Variants in IL1RL2 observed in about 807,000 individuals in gnomAD.
The protein encoded by IL1RL2 is interleukin-1 receptor-like 2.
IL1RL2 carries 68 observed loss-of-function variants against 66.8 expected under a neutral mutation model. The ratio of observed to expected loss-of-function variants is 1.02; its 90% CI spans 0.84 to 1.25. IL1RL2 has a LOEUF of 1.25. IL1RL2 is among the 50% of genes most tolerant of loss of function. The pLI is 0.00. For synonymous variants in IL1RL2, 305 were observed against 264.6 expected (o/e 1.15, Z -1.48); for missense variants, 729 against 709.3 (o/e 1.03, Z -0.32).
Position 102,209,746 on chromosome 2 carries a change from C to T in IL1RL2, c.650-2354C>T, listed in dbSNP as rs1410772626. ...ACATCAGTATTGAGATGATTTGAAG[C>T]CAGAGTTGAAGAGGGCCTGGCAGCT... On this transcript the variant is annotated intron_variant, in intron 5 of 11. Coordinates refer to ENST00000264257, the MANE Select transcript of IL1RL2 (RefSeq NM_003854.4). 3.3e-5 allele frequency among the ~76,000 whole-genome samples: 5 copies of T among 152,072 alleles called. No individual in the cohort carries two copies. The East Asian group carries it at 7.7e-4, about 23-fold the overall frequency.
intron 6 of IL1RL2, among the ~76,000 whole-genome samples, chr2:102,212,893 C>T (rs1364631229): frequency 6.6e-6 from 1 of 152,076 alleles, no homozygotes; most frequent in South Asian, 2.1e-4. Flanking sequence ...GGCGTGAACC[C>T]GGGAGGCAGA....
chr2:102,220,666 A>C (rs1039299666), intron 8 of IL1RL2, among the ~76,000 whole-genome samples: 5 of 146,016 alleles, frequency 3.4e-5, no homozygotes. Flanking sequence ...GATTCTATTA[A>C]TATCATTAGT....
chr2:102,191,817 GT>G (rs1687254507), intron 3 of IL1RL2, 107 bp from the exon 4 acceptor site: 1 of 742,082 alleles, frequency 1.3e-6, no homozygotes. Flanking sequence ...GAGGCAGAGG[GT>G]TTGCACAGTG....
downstream of IL1RL2, among the ~76,000 whole-genome samples, chr2:102,240,742 A>G (rs547728007): frequency 2.2e-4 from 34 of 152,356 alleles, 1 homozygote; most frequent in African/African-American, 7.7e-4. Context: ...GGCTTTATCA[A>G]GAACTTATGG....
chr2:102,225,041 C>T (rs1007014205), intron 8 of IL1RL2, among the ~76,000 whole-genome samples: 18 of 152,178 alleles, frequency 1.2e-4, no homozygotes, highest in Non-Finnish European at 1.9e-4. Flanking sequence ...CTTCCTGTCT[C>T]TCTCTTCCCC....
Position 102,192,061 on chromosome 2 carries a change from C to T in IL1RL2, c.430C>T (p.Leu144Phe), listed in dbSNP as rs1248934867. ...QILHLGKDDS[L>F]TCHLHFPKSC... Reference sequence around the variant, plus strand: ...ATTACATCTTGGAAAAGATGATAGTCTCACATGTCATCTGCACTTCCCGAA... The same window carrying T: ...ATTACATCTTGGAAAAGATGATAGTTTCACATGTCATCTGCACTTCCCGAA... Residue 144 changes from leucine to phenylalanine, a missense_variant, in exon 4 of 12, where the codon CTC (leucine) becomes TTC (phenylalanine). By Grantham distance (22) the Leu-to-Phe change is conservative. Transcript: ENST00000264257. 1 of 1,611,544 alleles carries T rather than the reference C, an allele frequency of 6.2e-7. No homozygotes were observed. The highest frequency in any genetic ancestry group is 1.1e-5 in the South Asian group (1 of 90,608).
chr2:102,238,415 G>T (rs376120474), intron 11 of IL1RL2, among the ~76,000 whole-genome samples: 3 of 152,138 alleles, frequency 2.0e-5, no homozygotes, highest in African/African-American at 7.2e-5. Context: ...AAAAGTGCTT[G>T]GCAAACCGTG....
chr2:102,192,734 C>G (rs982816406), intron 4 of IL1RL2, among the ~76,000 whole-genome samples: 3 of 152,180 alleles, frequency 2.0e-5, no homozygotes, highest in African/African-American at 7.2e-5. Context: ...GGAGCACAGG[C>G]TAGTCATTTG....
At chr2:102,200,116 GCAAAAAAA>G (rs1411061297) in intron 4 of IL1RL2, among the ~76,000 whole-genome samples, 36 of 52,918 alleles carry the variant, frequency 6.8e-4, no homozygotes, top group African/African-American at 1.5e-3. Context: ...CCCTGTTCCA[GCAAAAAAA>G]AAAAAAAAAA....
At chr2:102,189,443 A>G (rs1687032441) in intron 3 of IL1RL2, 133 bp downstream of exon 3, 1 of 624,880 alleles carries the variant, frequency 1.6e-6, no homozygotes. Context: ...CTACAAGACA[A>G]TTTCCAGTGA....
intron 7 of IL1RL2, 87 bp from the exon 8 acceptor site, chr2:102,219,794 A>C: frequency 7.4e-7 from 1 of 1,343,928 alleles, no homozygotes; most frequent in South Asian, 1.4e-5. Context: ...GTTCTCAAAG[A>C]AAACACTTTA....
intron 11 of IL1RL2, among the ~76,000 whole-genome samples, chr2:102,236,348 G>T (rs1386832865): frequency 2.1e-4 from 32 of 152,100 alleles, no homozygotes; most frequent in Admixed American, 1.8e-3. Context: ...GTGGTCTTAG[G>T]ATGGCATGGG....
At chr2:102,194,677 C>A (rs563600980) in intron 4 of IL1RL2, among the ~76,000 whole-genome samples, 1 of 152,078 alleles carries the variant, frequency 6.6e-6, no homozygotes, top group Middle Eastern at 3.4e-3. Flanking sequence ...TAATGTTGAT[C>A]TTCTTTAAAT....
Position 102,237,714 on chromosome 2 carries a change from AAAT to A in IL1RL2, c.1679-1474_1679-1472del, listed in dbSNP as rs560708511. Among the ~76,000 whole-genome samples, 866 of 152,320 alleles carry A rather than the reference AAAT, an allele frequency of 5.7e-3. 7 individuals are homozygous for A. Among genetic ancestry groups the A allele is most frequent in the African/African-American group, 0.02 (844 of 41,566 alleles). ...TAGGGATGCAATGCAGCAAGAATACAAATAATTGAAGTAGCCTGGCATCACCGC... is the reference window on the plus strand; with the variant it reads ...TAGGGATGCAATGCAGCAAGAATACAAATTGAAGTAGCCTGGCATCACCGC... On this transcript the variant is annotated intron_variant, in intron 11 of 11. Transcript: ENST00000264257.
At chr2:102,238,097 A>T (rs1676538325) in intron 11 of IL1RL2, among the ~76,000 whole-genome samples, 1 of 152,172 alleles carries the variant, frequency 6.6e-6, no homozygotes, top group African/African-American at 2.4e-5. Flanking sequence ...CTCCTTTCCA[A>T]GACCCTGGCT....
At position 102,233,041 on chromosome 2, in the gene IL1RL2, TG is replaced by T; in HGVS notation, c.1215del (p.Leu406Ter). The T allele has an allele frequency of 1.9e-6, 3 of 1,614,170 alleles. No individual in the cohort carries two copies. Among genetic ancestry groups the T allele is most frequent in the Non-Finnish European group, 2.5e-6 (3 of 1,180,008 alleles). ...ESQRHAVDAL[V>X]LNILPEVLER... Reference sequence around the variant, plus strand: ...CAGAGGCATGCCGTGGATGCCCTGGTGTTGAATATCCTGCCCGAGGTGTTGG... The same window carrying T: ...CAGAGGCATGCCGTGGATGCCCTGGTTTGAATATCCTGCCCGAGGTGTTGG... On this transcript the variant is annotated frameshift_variant, in exon 10 of 12. Coordinates refer to ENST00000264257, the MANE Select transcript of IL1RL2 (RefSeq NM_003854.4). LOFTEE classifies it high-confidence loss of function.
At chr2:102,187,292 G>GCT in intron 1 of IL1RL2, 3 of 1,174,848 alleles carry the variant, frequency 2.6e-6, no homozygotes, top group Non-Finnish European at 3.2e-6. Flanking sequence ...GCTATTTTCA[G>GCT]CTCCAGCGGC....
In IL1RL2 at chr2:102,188,060, G is replaced by A. The variant is rs536082078; in HGVS notation, c.58+135G>A. ...TCCCCAGACCGCCAGGCGGAGTTCC[G>A]CGGAAGAGGAAACAGAGAACCAGCT... On this transcript the variant is annotated intron_variant, in intron 2 of 11. Transcript: ENST00000264257. 89 of 800,760 alleles carry A rather than the reference G, an allele frequency of 1.1e-4. 1 individual carries two copies. In the South Asian group the frequency reaches 1.2e-3, roughly 10 times the overall value. 49.6% of individuals were successfully genotyped at this position (800,760 alleles called of 1,614,324 possible). A position where few individuals can be genotyped will look rare whatever the true frequency, so the allele number is the denominator to read the frequency against.
intron 11 of IL1RL2, among the ~76,000 whole-genome samples, chr2:102,236,338 G>C (rs1483930748): frequency 6.6e-6 from 1 of 152,116 alleles, no homozygotes; most frequent in Non-Finnish European, 1.5e-5. Context: ...CAGGAGGCCT[G>C]TGGTCTTAGG....
Sources: allele counts gnomAD v4.1 joint callset (sites outside exome capture counted in the v4.1 genomes callset), GRCh38; gene constraint gnomAD v4.1.1; transcripts MANE v1.5; gene names NCBI Gene and HGNC (gene_info 2026-07-23, HGNC 2026-07-21).